The following DMXL1 variants were observed in gnomAD, a reference collection of about 807,000 sequenced individuals.
The protein encoded by DMXL1 is dmX-like protein 1.
Under a neutral mutation model 319.2 loss-of-function variants are expected in DMXL1, and 99 were observed. The observed-to-expected ratio is 0.31, with a 90% confidence interval of 0.26 to 0.37. The LOEUF (loss-of-function observed/expected upper bound fraction) is 0.37, where lower values mean the gene tolerates loss of function less well. Among genes scored for constraint, DMXL1 ranks in the 10% least tolerant of loss-of-function variants. The probability of loss-of-function intolerance (pLI) is 1.00; values close to 1 mark genes in which losing one functional copy is unlikely to be tolerated. For synonymous variants in DMXL1, 1,385 were observed against 1,235.2 expected, an observed-to-expected ratio of 1.12 and a Z score of -2.54; for missense variants, 3,745 against 3,595.6, an observed-to-expected ratio of 1.04 and a Z score of -1.06.
intron 6 of DMXL1, among the ~76,000 whole-genome samples, chr5:119,114,866 C>A (rs1760485735): frequency 6.6e-6 from 1 of 152,236 alleles, no homozygotes; most frequent in East Asian, 1.9e-4. Flanking sequence ...GACGGGATTT[C>A]ACCATATTGG....
chr5:119,083,303 T>G (rs1752630667), intron 1 of DMXL1, among the ~76,000 whole-genome samples: 1 of 152,034 alleles, frequency 6.6e-6, no homozygotes, highest in Non-Finnish European at 1.5e-5. Context: ...AGTTCCATCC[T>G]TGTTGCTGCA....
At chr5:119,156,932 T>C (rs1051850902) in intron 19 of DMXL1, among the ~76,000 whole-genome samples, 1 of 152,156 alleles carries the variant, frequency 6.6e-6, no homozygotes, top group Non-Finnish European at 1.5e-5. Context: ...ATTATAGATA[T>C]CAAGCGCTTT....
Position 119,149,645 on chromosome 5 carries a change from C to G in DMXL1, c.3818C>G (p.Ser1273Cys), listed in dbSNP as rs529056242. ...TTAATAAAACAGAGTAACTCCAGTT[C>G]TGGGTTACATCCTCCAAAGAAAACT... ...TSLIKQSNSS[S>C]GLHPPKKTLT... The change falls in exon 18 of 44, where the codon TCT (serine) becomes TGT (cysteine). Residue 1273 changes from serine (S) to cysteine (C), a missense_variant. Physicochemically the swap from Ser to Cys is moderately radical, Grantham distance 112. Coordinates refer to ENST00000539542, the MANE Select transcript of DMXL1 (RefSeq NM_001290321.3). 3 of 1,613,912 alleles carry G rather than the reference C, an allele frequency of 1.9e-6. No homozygotes were observed. The highest frequency in any genetic ancestry group is 2.2e-5 in the South Asian group (2 of 91,076).
chr5:119,172,112 A>C (rs984373023), intron 25 of DMXL1, 143 bp downstream of exon 25: 2 of 739,424 alleles, frequency 2.7e-6, no homozygotes, highest in African/African-American at 3.7e-5. Context: ...GTTGATTCCT[A>C]TTAAAGAAAT....
At chr5:119,151,899 A>G in intron 18 of DMXL1, 30 bp from the exon 19 acceptor site, 1 of 1,495,226 alleles carries the variant, frequency 6.7e-7, no homozygotes, top group Non-Finnish European at 9.3e-7. Flanking sequence ...TTTTTTTTTA[A>G]TACATTGCTT....
chr5:119,185,150 T>A (rs1035133076), intron 28 of DMXL1, among the ~76,000 whole-genome samples: 1 of 151,974 alleles, frequency 6.6e-6, no homozygotes, highest in African/African-American at 2.4e-5. Context: ...TCTCCTTTCT[T>A]CTTGTCCCTT....
At chr5:119,129,531 A>G (rs1248453809) in intron 10 of DMXL1, 108 bp downstream of exon 10, 8 of 734,440 alleles carry the variant, frequency 1.1e-5, no homozygotes, top group Admixed American at 2.9e-5. Context: ...TTGCAATGAC[A>G]TGATCCAAAC....
chr5:119,135,286 G>A (rs1393416358), intron 13 of DMXL1, among the ~76,000 whole-genome samples: 3 of 152,072 alleles, frequency 2.0e-5, no homozygotes, highest in Non-Finnish European at 4.4e-5. Context: ...AGGGAGATAG[G>A]AAGAAAACAG....
rs773491521 is a variant in DMXL1 at position 119,197,825 on chromosome 5, C to T, written c.7614C>T (p.Leu2538=). The change falls in exon 32 of 44, where the codon CTC becomes CTT. Residue 2538 remains leucine, a synonymous_variant. Transcript: ENST00000539542. ...KTLQCWEQVL[L]RRLEIHGGPP... is the part of the protein sequence containing the mutation. ...TTCAATGTTGGGAACAAGTTCTTCT[C>T]CGACGACTTGAAATCCATGGTGGGC... The T allele has an allele frequency of 1.9e-6, 3 of 1,614,030 alleles. No homozygotes were observed. The highest frequency in any genetic ancestry group is 2.7e-5 in the African/African-American group (2 of 74,896).
At position 119,150,309 on chromosome 5, in the gene DMXL1, T is replaced by G. The variant is rs1275841568; in HGVS notation, c.4482T>G (p.Leu1494=). The G allele has an allele frequency of 6.2e-7, 1 of 1,613,726 alleles. No individual in the cohort carries two copies. Among genetic ancestry groups the G allele is most frequent in the African/African-American group, 1.3e-5 (1 of 74,852 alleles). ...EHAQVLSGHL[L]HSSLPGLSRM... is the part of the protein sequence containing the mutation. ...CTCAGGTTCTTTCTGGCCACTTACTTCATTCTAGTTTACCAGGACTCAGCC... is the reference window on the plus strand; with the variant it reads ...CTCAGGTTCTTTCTGGCCACTTACTGCATTCTAGTTTACCAGGACTCAGCC... Residue 1494 remains leucine, a synonymous_variant, in exon 18 of 44, where the codon CTT becomes CTG. Coordinates refer to ENST00000539542, the MANE Select transcript of DMXL1 (RefSeq NM_001290321.3).
intron 13 of DMXL1, among the ~76,000 whole-genome samples, chr5:119,135,898 G>A (rs1212283421): frequency 6.6e-6 from 1 of 152,198 alleles, no homozygotes; most frequent in African/African-American, 2.4e-5. Context: ...GGTACCAGGA[G>A]TGGGGCACTG....
chr5:119,110,230 T>C lies in DMXL1; in HGVS notation c.444T>C (p.Asn148=). The change falls in exon 5 of 44, where the codon AAT becomes AAC. Residue 148 remains asparagine, a synonymous_variant. Coordinates refer to ENST00000539542, the MANE Select transcript of DMXL1 (RefSeq NM_001290321.3). ...TGGAGAAGCCAACTGAAGATGAAAA[T>C]TTAAATAAAACAGATCTTAACTTTG... ...TNLEKPTEDE[N]LNKTDLNFGD... 2 of 1,588,388 alleles carry C rather than the reference T, an allele frequency of 1.3e-6. No homozygotes were observed. The highest frequency in any genetic ancestry group is 2.3e-5 in the East Asian group (1 of 43,934).
At chr5:119,089,868 C>T (rs570277563) in intron 1 of DMXL1, among the ~76,000 whole-genome samples, 59 of 149,688 alleles carry the variant, frequency 3.9e-4, no homozygotes, top group South Asian at 2.8e-3. Context: ...TCAGGTGATC[C>T]GCCCGCCTTG....
Position 119,210,080 on chromosome 5 carries a change from T to TA in DMXL1, c.7926+3185dup, listed in dbSNP as rs1448131447. On this transcript the variant is annotated intron_variant, in intron 34 of 43. Transcript: ENST00000539542. ...ACCTCCTGGGTACAAGCGATTCTCATACCTCAGGTGTGCACTAACACACCC... is the reference window on the plus strand; with the variant it reads ...ACCTCCTGGGTACAAGCGATTCTCATAACCTCAGGTGTGCACTAACACACCC... Among the ~76,000 whole-genome samples the TA allele has an allele frequency of 2.6e-5, 4 of 152,222 alleles. No homozygotes were observed. In the East Asian group the frequency reaches 7.7e-4, roughly 29 times the overall value.
At chr5:119,160,642 T>A (rs984026522) in intron 19 of DMXL1, among the ~76,000 whole-genome samples, 1 of 152,214 alleles carries the variant, frequency 6.6e-6, no homozygotes, top group African/African-American at 2.4e-5. Flanking sequence ...TGTATTGTAA[T>A]CTATCTCTCC....
At chr5:119,126,197 C>T (rs548316526) in intron 9 of DMXL1, among the ~76,000 whole-genome samples, 119 of 152,256 alleles carry the variant, frequency 7.8e-4, no homozygotes, top group African/African-American at 2.7e-3. Flanking sequence ...GCAGGAGAAT[C>T]GCTTGAACCT....
chr5:119,240,539 G>A, intron 42 of DMXL1, 68 bp downstream of exon 42: 1 of 1,162,356 alleles, frequency 8.6e-7, no homozygotes, highest in Non-Finnish European at 1.3e-6. Flanking sequence ...TTATTTATAA[G>A]TGGATTTGTT....
chr5:119,208,050 T>G (rs527238116), intron 34 of DMXL1, among the ~76,000 whole-genome samples: 1 of 152,246 alleles, frequency 6.6e-6, no homozygotes, highest in Admixed American at 6.5e-5. Flanking sequence ...ATATTATAAC[T>G]AAAACTTTTG....
chr5:119,170,980 T>A lies in DMXL1; in HGVS notation c.6189T>A (p.Leu2063=), dbSNP rs747338722. The change falls in exon 24 of 44, where the codon CTT becomes CTA. Residue 2063 remains leucine, a synonymous_variant. Coordinates refer to ENST00000539542, the MANE Select transcript of DMXL1 (RefSeq NM_001290321.3). ...TGCGTTACCAACTATACCACTGGCT[T>A]GAAAAAGAGGTGATAGCTCTTCAGA... ...GKLRYQLYHW[L]EKEVIALQRT... The A allele has an allele frequency of 6.2e-7, 1 of 1,613,828 alleles. No homozygotes were observed. Among genetic ancestry groups the A allele is most frequent in the Non-Finnish European group, 8.5e-7 (1 of 1,179,898 alleles).
Sources: gnomAD v4.1 joint callset for allele counts (sites outside exome capture counted in the v4.1 genomes callset) on GRCh38, gnomAD v4.1.1 for gene constraint, MANE v1.5 for transcripts, NCBI Gene and HGNC (gene_info 2026-07-23, HGNC 2026-07-21) for gene names.